The following CNOT8 variants were observed in gnomAD, a reference collection of about 807,000 sequenced individuals.
CNOT8 encodes the protein CCR4-NOT transcription complex subunit 8, also known as CAF1-like protein.
CNOT8 carries 18 observed loss-of-function variants against 34.6 expected under a neutral mutation model. The observed-to-expected ratio is 0.52, with a 90% CI of 0.36 to 0.77. The LOEUF (loss-of-function observed/expected upper bound fraction) is 0.77, where lower values mean the gene tolerates loss of function less well. Ranked by LOEUF, CNOT8 falls within the 30% of genes least tolerant of loss-of-function variation. The probability of loss-of-function intolerance (pLI) is 0.00; values close to 1 mark genes in which losing one functional copy is unlikely to be tolerated. For missense variants in CNOT8, 189 were observed against 347.9 expected, an observed-to-expected ratio of 0.54 and a Z score of 3.63; for synonymous variants, 101 against 118.8, an observed-to-expected ratio of 0.85 and a Z score of 0.98.
chr5:154,874,639 A>G (rs903388370), intron 6 of CNOT8, among the ~76,000 whole-genome samples: 2 of 151,602 alleles, frequency 1.3e-5, no homozygotes, highest in East Asian at 2.0e-4. Context: ...GGTTCAAACA[A>G]TTCTCTGCCT....
Position 154,863,702 on chromosome 5 carries a change from T to C in CNOT8, c.117+307T>C, listed in dbSNP as rs367981576. 5.3e-5 allele frequency among the ~76,000 whole-genome samples: 8 copies of C among 152,302 alleles called. No individual in the cohort carries two copies. The East Asian group carries it at 1.5e-3, about 29-fold the overall frequency. On this transcript the variant is annotated intron_variant, in intron 2 of 6. Transcript: ENST00000285896. ...TTGTAAATTAAACCGGATGGAAGGT[T>C]GTGTTGCTTCATGAAATATCAAGGT...
chr5:154,868,500 G>A (rs1004452698), intron 3 of CNOT8, among the ~76,000 whole-genome samples: 5 of 151,930 alleles, frequency 3.3e-5, no homozygotes, highest in Admixed American at 1.3e-4. Context: ...CCTGACCCTC[G>A]TGATCCACCC....
Position 154,871,812 on chromosome 5 carries a change from A to T in CNOT8, c.556A>T (p.Asn186Tyr). 5.6e-6 allele frequency: 9 copies of T among 1,613,952 alleles called. No homozygotes were observed. Among genetic ancestry groups the T allele is most frequent in the Admixed American group, 1.7e-5 (1 of 60,022 alleles). Reference sequence around the variant, plus strand: ...GGAACATGAATTCTTTCATATTCTGAACCTTTTCTTCCCATCCATTTATGA... The same window carrying T: ...GGAACATGAATTCTTTCATATTCTGTACCTTTTCTTCCCATCCATTTATGA... ...EEEHEFFHIL[N>Y]LFFPSIYDVK... The change falls in exon 5 of 7, where the codon AAC becomes TAC. Residue 186 changes from asparagine to tyrosine, a missense_variant. This residue lies in a region of CNOT8 where 160 missense variants were observed against 321.9 expected (regional missense o/e 0.50). Transcript: ENST00000285896.
At chr5:154,871,999 G>A in intron 5 of CNOT8, 125 bp downstream of exon 5, 2 of 773,622 alleles carry the variant, frequency 2.6e-6, no homozygotes, top group Non-Finnish European at 4.1e-6. Flanking sequence ...GGTAGACAGG[G>A]TATAATATAA....
intron 6 of CNOT8, among the ~76,000 whole-genome samples, chr5:154,873,198 G>A (rs1442517097): frequency 4.6e-5 from 7 of 152,214 alleles, no homozygotes; most frequent in Admixed American, 2.0e-4. Context: ...GAGCCACCAC[G>A]CCCAGCCACA....
intron 3 of CNOT8, chr5:154,867,792 G>A: frequency 1.7e-5 from 3 of 177,506 alleles, no homozygotes; most frequent in South Asian, 1.6e-4. Flanking sequence ...GGAAATACGA[G>A]GTAAAGAGAA....
chr5:154,864,457 C>CA (rs561425093), intron 2 of CNOT8, among the ~76,000 whole-genome samples: 7,926 of 134,408 alleles, frequency 0.059, 351 homozygotes, highest in African/African-American at 0.14. Flanking sequence ...GACTCCGTCC[C>CA]AAAAAAAAAA....
intron 3 of CNOT8, among the ~76,000 whole-genome samples, chr5:154,865,946 CTCT>C (rs1429451921): frequency 1.3e-5 from 2 of 152,084 alleles, no homozygotes; most frequent in African/African-American, 4.8e-5. Flanking sequence ...TTTTTTCTAC[CTCT>C]TGACTGTTGT....
Position 154,871,781 on chromosome 5 carries a change from A to G in CNOT8, c.525A>G (p.Pro175=), listed in dbSNP as rs775737608. ...AGTTGCTTACAGATTCTCGTTTGCC[A>G]GAAGAGGAACATGAATTCTTTCATA... ...MVKLLTDSRL[P]EEEHEFFHIL... Residue 175 remains proline (P), a synonymous_variant, in exon 5 of 7, where the codon CCA becomes CCG. Transcript: ENST00000285896. The G allele has an allele frequency of 6.2e-7, 1 of 1,613,946 alleles. No individual in the cohort carries two copies. Among genetic ancestry groups the G allele is most frequent in the Non-Finnish European group, 8.5e-7 (1 of 1,179,862 alleles).
rs532311550 is a variant in CNOT8, at chr5:154,861,950, G to A, written c.-72-1257G>A. ...CCTGACCTTGTGATCCGCCCGCCTC[G>A]GCCTTCCAAAGTGCTGAGATTATAG... On this transcript the variant is annotated intron_variant, in intron 1 of 6. Transcript: ENST00000285896. 3.4e-4 allele frequency among the ~76,000 whole-genome samples: 51 copies of A among 152,238 alleles called. 1 individual carries two copies. The highest frequency in any genetic ancestry group is 2.1e-4 in the South Asian group (1 of 4,822).
At chr5:154,863,505 C>T (rs1582579801) in intron 2 of CNOT8, 110 bp downstream of exon 2, 1 of 790,666 alleles carries the variant, frequency 1.3e-6, no homozygotes. Flanking sequence ...TCATAGCTCA[C>T]TGCAGCCTTG....
At chr5:154,871,541 C>T (rs1442821468) in intron 4 of CNOT8, among the ~76,000 whole-genome samples, 189 bp from the exon 5 acceptor site, 2 of 109,032 alleles carry the variant, frequency 1.8e-5, no homozygotes. Flanking sequence ...GCCTGGGCAA[C>T]AGAGTAAGAC....
intron 2 of CNOT8, among the ~76,000 whole-genome samples, chr5:154,864,456 C>A (rs1211312829): frequency 1.3e-5 from 2 of 148,148 alleles, no homozygotes; most frequent in East Asian, 3.9e-4. Context: ...AGACTCCGTC[C>A]CAAAAAAAAA....
chr5:154,865,162 C>T (rs774037667), intron 2 of CNOT8, 30 bp from the exon 3 acceptor site: 11 of 1,503,350 alleles, frequency 7.3e-6, no homozygotes, highest in Non-Finnish European at 9.8e-6. Context: ...TTTGTGAAAC[C>T]TTGTGATGAG....
chr5:154,874,505 GGC>G (rs921036359), intron 6 of CNOT8, among the ~76,000 whole-genome samples: 98 of 152,158 alleles, frequency 6.4e-4, no homozygotes, highest in African/African-American at 2.2e-3. Flanking sequence ...GAGCCTGGGA[GGC>G]GGAGGTTGCA....
intron 1 of CNOT8, 139 bp from the exon 2 acceptor site, chr5:154,863,068 C>T (rs1041195965): frequency 3.0e-5 from 14 of 461,392 alleles, no homozygotes; most frequent in Admixed American, 2.4e-4. Context: ...GTTTCTCCAT[C>T]ATATAAAATG....
chr5:154,871,652 C>T, intron 4 of CNOT8, 78 bp from the exon 5 acceptor site: 1 of 1,366,844 alleles, frequency 7.3e-7, no homozygotes, highest in Non-Finnish European at 1.0e-6. Context: ...CATTTACAAG[C>T]TTTGAGAAAT....
chr5:154,867,223 T>C (rs1334773068), intron 3 of CNOT8, among the ~76,000 whole-genome samples: 1 of 152,226 alleles, frequency 6.6e-6, no homozygotes, highest in Non-Finnish European at 1.5e-5. Context: ...ATGACAGTGT[T>C]ACAATGGATG....
chr5:154,865,570 T>C (rs1179514890), intron 3 of CNOT8, among the ~76,000 whole-genome samples, 185 bp downstream of exon 3: 1 of 152,118 alleles, frequency 6.6e-6, no homozygotes, highest in Non-Finnish European at 1.5e-5. Flanking sequence ...GTGCAAAAGA[T>C]AGACTTTTCT....
Sources: gnomAD v4.1 joint callset for allele counts (sites outside exome capture counted in the v4.1 genomes callset) on GRCh38, gnomAD v4.1.1 for gene constraint, gnomAD v4.1.1 regional missense constraint, MANE v1.5 for transcripts, NCBI Gene and HGNC (gene_info 2026-07-23, HGNC 2026-07-21) for gene names.